ANGPT1: variants seen among roughly 807,000 people sequenced by gnomAD.
ANGPT1 encodes angiopoietin-1.
In ANGPT1, 17 loss-of-function variants were observed where a neutral mutation model predicts 62.2. The observed-to-expected ratio is 0.27, with a 90% confidence interval of 0.19 to 0.41. The LOEUF (loss-of-function observed/expected upper bound fraction) is 0.41, where lower values mean the gene tolerates loss of function less well. Among genes scored for constraint, ANGPT1 ranks in the 10% least tolerant of loss-of-function variants. The pLI, the probability that ANGPT1 is intolerant of heterozygous loss-of-function variation, is 1.00. For synonymous variants in ANGPT1, 199 were observed against 198.9 expected, an observed-to-expected ratio of 1.00 and a Z score of 0.00; for missense variants, 478 against 594.9, an observed-to-expected ratio of 0.80 and a Z score of 2.04.
chr8:107,299,715 T>A (rs1046392777), intron 5 of ANGPT1, among the ~76,000 whole-genome samples: 32 of 131,606 alleles, frequency 2.4e-4, no homozygotes, highest in African/African-American at 8.6e-4. Flanking sequence ...CTATATATAC[T>A]ATATATATAG....
At chr8:107,363,625 G>T (rs1388939190) in intron 1 of ANGPT1, among the ~76,000 whole-genome samples, 1 of 152,166 alleles carries the variant, frequency 6.6e-6, no homozygotes, top group Non-Finnish European at 1.5e-5. Context: ...CTGTATCATA[G>T]TATTGTTTGA....
intron 1 of ANGPT1, among the ~76,000 whole-genome samples, chr8:107,482,985 A>G (rs993749478): frequency 2.0e-5 from 3 of 152,204 alleles, no homozygotes; most frequent in African/African-American, 7.2e-5. Context: ...ATCTGACCAG[A>G]AAAGGAGCTT....
At chr8:107,419,473 C>G (rs1445470564) in intron 1 of ANGPT1, among the ~76,000 whole-genome samples, 1 of 152,100 alleles carries the variant, frequency 6.6e-6, no homozygotes, top group Non-Finnish European at 1.5e-5. Context: ...CTTTTGTCCT[C>G]CAATCACATT....
At chr8:107,337,035 T>A (rs999510573) in intron 2 of ANGPT1, among the ~76,000 whole-genome samples, 3 of 152,220 alleles carry the variant, frequency 2.0e-5, no homozygotes, top group African/African-American at 7.2e-5. Context: ...CACACATTTA[T>A]AGAACGCCTA....
chr8:107,401,834 T>TA (rs898262339), intron 1 of ANGPT1, among the ~76,000 whole-genome samples: 5 of 152,158 alleles, frequency 3.3e-5, no homozygotes, highest in Admixed American at 6.5e-5. Context: ...TCTATTTCTC[T>TA]AAAAAAATCA....
chr8:107,303,276 G>A lies in ANGPT1; in HGVS notation c.900C>T (p.Tyr300=). 1.9e-6 allele frequency: 3 copies of A among 1,606,240 alleles called. No individual in the cohort carries two copies. The highest frequency in any genetic ancestry group is 2.7e-5 in the African/African-American group (2 of 74,150). ...YQAGFNKSGI[Y]TIYINNMPEP... is the part of the protein sequence containing the mutation. The stretch of plus-strand genomic sequence containing the variant: ...CTGGCATATTATTAATATAAATAGT[G>A]TAGATTCCACTTTTATTAAAACCAG... Residue 300 remains tyrosine (Y), a synonymous_variant, in exon 5 of 9, where the codon TAC becomes TAT. Coordinates refer to ENST00000517746, the MANE Select transcript of ANGPT1 (RefSeq NM_001146.5).
chr8:107,299,635 A>C (rs1158074778), intron 5 of ANGPT1, among the ~76,000 whole-genome samples: 1 of 138,490 alleles, frequency 7.2e-6, no homozygotes, highest in African/African-American at 2.6e-5. Context: ...ATAGATCTCT[A>C]TATATAGATA....
intron 1 of ANGPT1, among the ~76,000 whole-genome samples, chr8:107,384,549 A>G (rs1816697761): frequency 6.6e-6 from 1 of 152,128 alleles, no homozygotes; most frequent in African/African-American, 2.4e-5. Flanking sequence ...TCTGTAGGTA[A>G]CTTTTTTCAT....
intron 1 of ANGPT1, among the ~76,000 whole-genome samples, chr8:107,452,462 C>T (rs957262849): frequency 6.6e-6 from 1 of 151,596 alleles, no homozygotes; most frequent in African/African-American, 2.4e-5. Flanking sequence ...TACATAATCT[C>T]CCTCCCCACT....
At chr8:107,385,391 TA>T (rs1168596822) in intron 1 of ANGPT1, among the ~76,000 whole-genome samples, 1 of 152,050 alleles carries the variant, frequency 6.6e-6, no homozygotes, top group African/African-American at 2.4e-5. Flanking sequence ...ATTTTGTGGC[TA>T]CTGTGAATAG....
chr8:107,341,032 C>CA (rs1219196891), intron 2 of ANGPT1, among the ~76,000 whole-genome samples: 1 of 151,982 alleles, frequency 6.6e-6, no homozygotes, highest in East Asian at 1.9e-4. Flanking sequence ...ACAATGTGAC[C>CA]AAGTATTACC....
At chr8:107,272,683 G>A (rs1011279630) in intron 7 of ANGPT1, among the ~76,000 whole-genome samples, 10 of 150,866 alleles carry the variant, frequency 6.6e-5, no homozygotes, top group South Asian at 2.1e-4. Context: ...TTATTGTTGT[G>A]TGCCTTTCAA....
At position 107,303,315 on chromosome 8, in the gene ANGPT1, T is replaced by C. The variant is rs1814637755; in HGVS notation, c.861A>G (p.Ala287=). ...TATTAAAACCAGCTTGATATACATC[T>C]GCACAGTCTCTAAATGGTTTCTCTT... ...REEEKPFRDC[A]DVYQAGFNKS... Residue 287 remains alanine (A), a synonymous_variant, in exon 5 of 9, where the codon GCA becomes GCG. Coordinates refer to ENST00000517746, the MANE Select transcript of ANGPT1 (RefSeq NM_001146.5). 1.2e-6 allele frequency: 2 copies of C among 1,605,568 alleles called. No individual in the cohort carries two copies. Among genetic ancestry groups the C allele is most frequent in the African/African-American group, 2.7e-5 (2 of 74,246 alleles).
chr8:107,435,758 A>G (rs983580508), intron 1 of ANGPT1, among the ~76,000 whole-genome samples: 3 of 152,212 alleles, frequency 2.0e-5, no homozygotes, highest in Non-Finnish European at 4.4e-5. Context: ...ATTGCCCACC[A>G]TGTGCCGGGG....
At chr8:107,418,254 G>C (rs541250372) in intron 1 of ANGPT1, among the ~76,000 whole-genome samples, 3 of 152,020 alleles carry the variant, frequency 2.0e-5, no homozygotes, top group African/African-American at 7.2e-5. Flanking sequence ...ATAAACCCCC[G>C]TCACCATTTT....
At chr8:107,260,598 C>T (rs1411612824) in intron 8 of ANGPT1, among the ~76,000 whole-genome samples, 3 of 152,262 alleles carry the variant, frequency 2.0e-5, no homozygotes, top group African/African-American at 7.2e-5. Context: ...AGGCAATACT[C>T]CAGTTACCTG....
At chr8:107,477,251 T>C (rs1279628118) in intron 1 of ANGPT1, among the ~76,000 whole-genome samples, 1 of 152,196 alleles carries the variant, frequency 6.6e-6, no homozygotes, top group African/African-American at 2.4e-5. Flanking sequence ...GTTTATTAAC[T>C]ACAATATGGA....
At chr8:107,313,712 G>C (rs1814940504) in intron 4 of ANGPT1, among the ~76,000 whole-genome samples, 1 of 151,784 alleles carries the variant, frequency 6.6e-6, no homozygotes. Flanking sequence ...CAAAGTGCTG[G>C]GACTACAGGC....
At chr8:107,453,776 T>C (rs1431129659) in intron 1 of ANGPT1, among the ~76,000 whole-genome samples, 1 of 151,940 alleles carries the variant, frequency 6.6e-6, no homozygotes, top group Non-Finnish European at 1.5e-5. Context: ...GATGATTGGG[T>C]AAAGTGGATT....
Sources: allele counts gnomAD v4.1 joint callset (sites outside exome capture counted in the v4.1 genomes callset), GRCh38; gene constraint gnomAD v4.1.1; transcripts MANE v1.5; gene names NCBI Gene and HGNC (gene_info 2026-07-23, HGNC 2026-07-21).